PKHD1: variants seen among roughly 807,000 people sequenced by gnomAD.
PKHD1 encodes the protein PKHD1 ciliary IPT domain containing fibrocystin/polyductin, also known as fibrocystin.
In PKHD1, 291 loss-of-function variants were observed where a neutral mutation model predicts 412.0. The observed-to-expected ratio is 0.71, with a 90% confidence interval of 0.64 to 0.78. PKHD1 has a LOEUF of 0.78. Among genes scored for constraint, PKHD1 ranks in the 30% least tolerant of loss-of-function variants. The pLI, the probability that PKHD1 is intolerant of heterozygous loss-of-function variation, is 0.00. For synonymous variants in PKHD1, 1,777 were observed against 1,821.5 expected, an observed-to-expected ratio of 0.98 and a Z score of 0.62; for missense variants, 4,825 against 4,950.7, an observed-to-expected ratio of 0.97 and a Z score of 0.76.
chr6:52,057,775 ATG>A (rs1335536732), intron 16 of PKHD1, among the ~76,000 whole-genome samples: 2 of 146,700 alleles, frequency 1.4e-5, no homozygotes, highest in Admixed American at 6.6e-5. Context: ...ATTTGTGCAC[ATG>A]TTTTACTTTT....
chr6:51,723,707 C>T (rs1335980506), intron 60 of PKHD1, among the ~76,000 whole-genome samples: 4 of 152,100 alleles, frequency 2.6e-5, no homozygotes, highest in African/African-American at 9.7e-5. Flanking sequence ...TTTCCTCTTT[C>T]TCCATCTCTC....
chr6:51,908,754 C>T (rs897903107), intron 40 of PKHD1, among the ~76,000 whole-genome samples: 2 of 152,254 alleles, frequency 1.3e-5, no homozygotes, highest in African/African-American at 4.8e-5. Flanking sequence ...AACTGCTCCT[C>T]ATTTCCAGAA....
chr6:51,741,499 TC>T (rs1013304320), intron 60 of PKHD1, among the ~76,000 whole-genome samples: 10 of 151,996 alleles, frequency 6.6e-5, no homozygotes, highest in African/African-American at 2.4e-4. Context: ...CCCCAAAGCA[TC>T]CCCCAAAGTC....
chr6:51,867,845 A>G lies in PKHD1; in HGVS notation c.7733+18T>C, dbSNP rs745348900. On this transcript the variant is annotated intron_variant, in intron 48 of 66. Coordinates refer to ENST00000371117, the MANE Select transcript of PKHD1 (RefSeq NM_138694.4). ...CATGCCCATCGGCAAGCTAAAAAGT[A>G]TAGTTAATTCCACTTACAAACCAAT... The G allele has an allele frequency of 4.1e-5, 66 of 1,610,800 alleles. No individual in the cohort carries two copies. Among genetic ancestry groups the G allele is most frequent in the Non-Finnish European group, 5.6e-5 (66 of 1,177,434 alleles).
intron 59 of PKHD1, among the ~76,000 whole-genome samples, 159 bp from the exon 60 acceptor site, chr6:51,744,701 T>G (rs1180441502): frequency 1.3e-5 from 2 of 152,178 alleles, no homozygotes; most frequent in African/African-American, 4.8e-5. Flanking sequence ...ATGAAATAAT[T>G]TATTTCCCAA....
chr6:51,867,498 C>A (rs1456917438), intron 48 of PKHD1, among the ~76,000 whole-genome samples: 1 of 152,074 alleles, frequency 6.6e-6, no homozygotes, highest in Non-Finnish European at 1.5e-5. Context: ...GGGAAGAGTA[C>A]ATGTATATAA....
At chr6:52,058,261 T>A in intron 16 of PKHD1, 62 bp downstream of exon 16, 1 of 1,564,978 alleles carries the variant, frequency 6.4e-7, no homozygotes, top group East Asian at 2.2e-5. Flanking sequence ...TCAGTGCTCC[T>A]GCTACATGGG....
intron 43 of PKHD1, among the ~76,000 whole-genome samples, chr6:51,893,864 T>C (rs937339418): frequency 6.6e-6 from 1 of 152,148 alleles, no homozygotes; most frequent in African/African-American, 2.4e-5. Flanking sequence ...ACAAAATTGA[T>C]TCACAAACCA....
intron 60 of PKHD1, among the ~76,000 whole-genome samples, chr6:51,668,581 T>C (rs1160567351): frequency 1.3e-5 from 2 of 152,162 alleles, no homozygotes; most frequent in Non-Finnish European, 2.9e-5. Context: ...TCCAACACTA[T>C]GTTGAATAGG....
chr6:52,026,248 G>T (rs1364607164), intron 31 of PKHD1, 67 bp from the exon 32 acceptor site: 14 of 1,455,430 alleles, frequency 9.6e-6, no homozygotes, highest in Non-Finnish European at 7.7e-6. Context: ...CATAGCACCT[G>T]TGGAAGTCCT....
intron 35 of PKHD1, among the ~76,000 whole-genome samples, chr6:51,986,420 G>C (rs760234093): frequency 6.6e-6 from 1 of 152,180 alleles, no homozygotes; most frequent in Non-Finnish European, 1.5e-5. Flanking sequence ...CAATTAGAAG[G>C]AAGTAGGGGC....
rs544567557 is a variant in PKHD1 at position 51,726,549 on chromosome 6, C to T, written c.10156+17836G>A. Among the ~76,000 whole-genome samples the T allele has an allele frequency of 1.4e-4, 22 of 152,276 alleles. No individual in the cohort carries two copies. The South Asian group carries it at 4.6e-3, about 32-fold the overall frequency. On this transcript the variant is annotated intron_variant, in intron 60 of 66. Coordinates refer to ENST00000371117, the MANE Select transcript of PKHD1 (RefSeq NM_138694.4). ...AACTGACCTCTGTTCCCTCTAAGTT[C>T]CCATTACCGCTTCATCCCCCTCCAG...
At chr6:51,935,535 G>A (rs2127774900) in intron 36 of PKHD1, among the ~76,000 whole-genome samples, 1 of 152,300 alleles carries the variant, frequency 6.6e-6, no homozygotes, top group Admixed American at 6.5e-5. Context: ...AGTCAGAATT[G>A]TATCTTTATA....
At chr6:51,791,085 C>T (rs550626370) in intron 53 of PKHD1, 151 bp downstream of exon 53, 23 of 778,744 alleles carry the variant, frequency 3.0e-5, no homozygotes, top group Admixed American at 5.6e-5. Context: ...TAAAGCTTGC[C>T]GAAGAGCAAC....
chr6:52,039,863 T>C (rs572026389), intron 27 of PKHD1, among the ~76,000 whole-genome samples: 1 of 152,144 alleles, frequency 6.6e-6, no homozygotes. Context: ...CAAATGCACA[T>C]GATGAGATGG....
chr6:52,079,705 T>G (rs1811777322), intron 5 of PKHD1, among the ~76,000 whole-genome samples, 195 bp downstream of exon 5: 1 of 152,194 alleles, frequency 6.6e-6, no homozygotes, highest in African/African-American at 2.4e-5. Context: ...ATAAAGCATT[T>G]AGCTAAAGGC....
At chr6:51,731,207 G>A (rs1783196300) in intron 60 of PKHD1, among the ~76,000 whole-genome samples, 1 of 151,462 alleles carries the variant, frequency 6.6e-6, no homozygotes, top group South Asian at 2.1e-4. Context: ...TGAAGTCCTT[G>A]AAATAATATG....
chr6:51,810,932 A>G (rs1209832849), intron 52 of PKHD1, among the ~76,000 whole-genome samples: 1 of 152,188 alleles, frequency 6.6e-6, no homozygotes, highest in East Asian at 1.9e-4. Context: ...GATATTCTAG[A>G]ACTATCCTTG....
At chr6:51,858,334 T>C (rs941564912) in intron 48 of PKHD1, among the ~76,000 whole-genome samples, 3 of 152,192 alleles carry the variant, frequency 2.0e-5, no homozygotes, top group Non-Finnish European at 2.9e-5. Context: ...ATGGAAACCA[T>C]GAGTCCCATA....
Sources: gnomAD v4.1 joint callset for allele counts (sites outside exome capture counted in the v4.1 genomes callset) on GRCh38, gnomAD v4.1.1 for gene constraint, MANE v1.5 for transcripts, NCBI Gene and HGNC (gene_info 2026-07-23, HGNC 2026-07-21) for gene names.